Variants in CCDC39 observed in about 807,000 individuals in gnomAD.
The protein encoded by CCDC39 is coiled-coil domain 39 molecular ruler complex subunit.
CCDC39 carries 113 observed loss-of-function variants against 121.0 expected under a neutral mutation model. The observed-to-expected ratio is 0.93, with a 90% confidence interval of 0.80 to 1.09. CCDC39 has a LOEUF of 1.09. CCDC39 is among the 50% of genes least tolerant of loss of function. The pLI is 0.00. For missense variants in CCDC39, 1,063 were observed against 1,074.7 expected (o/e 0.99, Z 0.15); for synonymous variants, 349 against 352.2 (o/e 0.99, Z 0.10).
At chr3:180,661,562 A>T (rs968035917) in intron 3 of CCDC39, among the ~76,000 whole-genome samples, 2 of 152,130 alleles carry the variant, frequency 1.3e-5, no homozygotes, top group African/African-American at 4.8e-5. Flanking sequence ...GCTGTTAAAA[A>T]TCTAACACTT....
rs1267274054 is a variant in CCDC39, at chr3:180,647,216, T to C, written c.1390A>G (p.Arg464Gly). ...ATTTCTCCCTTTAACCGTGACATTC[T>C]CCGTTCCACTTGTTGAATGTGAAAA... is the stretch of plus-strand genomic sequence containing the variant. ...QDFHIQQVER[R>G]MSRLKGEINS... The change falls in exon 11 of 20, where the codon AGA (arginine) becomes GGA (glycine). Residue 464 changes from arginine (R) to glycine (G), a missense_variant. Transcript: ENST00000476379. 2.5e-6 allele frequency: 4 copies of C among 1,606,124 alleles called. No homozygotes were observed. The highest frequency in any genetic ancestry group is 3.4e-6 in the Non-Finnish European group (4 of 1,176,696).
At chr3:180,662,413 ATTAT>A (rs1305503769) in intron 2 of CCDC39, among the ~76,000 whole-genome samples, 1 of 152,154 alleles carries the variant, frequency 6.6e-6, no homozygotes, top group Non-Finnish European at 1.5e-5. Context: ...TTTTTAAATA[ATTAT>A]TTAAACACCA....
At chr3:180,658,137 G>A (rs1256506328) in intron 6 of CCDC39, among the ~76,000 whole-genome samples, 2 of 151,818 alleles carry the variant, frequency 1.3e-5, no homozygotes, top group African/African-American at 4.8e-5. Context: ...TACTTGGGAG[G>A]ATGAGGCAGG....
chr3:180,637,108 C>T (rs1399681172), intron 13 of CCDC39, among the ~76,000 whole-genome samples: 1 of 152,040 alleles, frequency 6.6e-6, no homozygotes, highest in Non-Finnish European at 1.5e-5. Flanking sequence ...AGAGCTTCTG[C>T]ACGGCAAAGT....
chr3:180,679,161 C>T lies in CCDC39; in HGVS notation c.90+130G>A. On this transcript the variant is annotated intron_variant, in intron 1 of 19. Coordinates refer to ENST00000476379, the MANE Select transcript of CCDC39 (RefSeq NM_181426.2). This position sits in a 1 kb window ranked among gnomAD's most constrained non-coding sequence, Gnocchi z 4.0. ...AGGGTAAGGGAGGAGGGCGATGGTG[C>T]GGGGGAGTGTTAGAGGAAGCACAGG... 1.3e-6 allele frequency: 1 copy of T among 750,964 alleles called. No homozygotes were observed. Among genetic ancestry groups the T allele is most frequent in the Non-Finnish European group, 2.4e-6 (1 of 408,692 alleles). The allele number at this position is 750,964 out of a possible 1,614,324, so 46.5% of individuals were successfully genotyped here. A position where few individuals can be genotyped will look rare whatever the true frequency, so the allele number is the denominator to read the frequency against.
At chr3:180,674,842 G>T (rs943399206) in intron 1 of CCDC39, among the ~76,000 whole-genome samples, 2 of 152,272 alleles carry the variant, frequency 1.3e-5, no homozygotes, top group South Asian at 4.1e-4. Context: ...CTTGATCATC[G>T]TGGATAAGCT....
At chr3:180,670,639 C>CTTTTTTTTTTTT (rs573623299) in intron 1 of CCDC39, among the ~76,000 whole-genome samples, 23 of 120,160 alleles carry the variant, frequency 1.9e-4, no homozygotes, top group African/African-American at 2.4e-4. Flanking sequence ...TTTTTTTTCT[C>CTTTTTTTTTTTT]TTTTTTTTTT....
chr3:180,627,830 C>T (rs1171359001), intron 14 of CCDC39, among the ~76,000 whole-genome samples: 1 of 152,070 alleles, frequency 6.6e-6, no homozygotes, highest in African/African-American at 2.4e-5. Flanking sequence ...GAGCTGTGTC[C>T]CTTATAAGAA....
chr3:180,644,113 A>G lies in CCDC39; in HGVS notation c.1665+7T>C, dbSNP rs1472202801. The G allele has an allele frequency of 2.0e-6, 3 of 1,535,370 alleles. No homozygotes were observed. Among genetic ancestry groups the G allele is most frequent in the African/African-American group, 2.8e-5 (2 of 72,412 alleles). On this transcript the variant is annotated splice_region_variant and intron_variant, in intron 12 of 19. Coordinates refer to ENST00000476379, the MANE Select transcript of CCDC39 (RefSeq NM_181426.2). ...CAATACTACATATGCATACAATTTT[A>G]CTGCACCTGCTTAAAACCTTTGGCT...
chr3:180,663,065 T>C (rs538024934), intron 2 of CCDC39, among the ~76,000 whole-genome samples: 4 of 152,306 alleles, frequency 2.6e-5, no homozygotes, highest in South Asian at 2.1e-4. Context: ...ATTATATTTA[T>C]GTTAACATTT....
At chr3:180,626,717 G>A (rs1346775206) in intron 14 of CCDC39, among the ~76,000 whole-genome samples, 5 of 151,880 alleles carry the variant, frequency 3.3e-5, no homozygotes, top group Non-Finnish European at 7.4e-5. Context: ...TCTCAGGTGA[G>A]GTGCTCAGGT....
chr3:180,664,960 A>G, intron 1 of CCDC39, among the ~76,000 whole-genome samples: 1 of 151,782 alleles, frequency 6.6e-6, no homozygotes, highest in South Asian at 2.1e-4. Flanking sequence ...TGCCCACCTC[A>G]GCCTCCCAAT....
In CCDC39 at chr3:180,619,290, C is replaced by T. The variant is rs973863254; in HGVS notation, c.2234G>A (p.Arg745Lys). The T allele has an allele frequency of 2.6e-6, 4 of 1,544,776 alleles. No individual in the cohort carries two copies. The highest frequency in any genetic ancestry group is 3.5e-6 in the Non-Finnish European group (4 of 1,141,314). Residue 745 changes from arginine to lysine, a missense_variant, in exon 16 of 20, where the codon AGA (arginine) becomes AAA (lysine). By Grantham distance (26) the Arg-to-Lys change is conservative. Coordinates refer to ENST00000476379, the MANE Select transcript of CCDC39 (RefSeq NM_181426.2). ...GTCTTCTTGAAGTTCTCTGATTTGT[C>T]TTTGTTTGTATCTGTATTTTTCATC... Reference protein sequence around the residue: ...AVDEKYRYKQRQIRELQEDIQ... With the variant: ...AVDEKYRYKQKQIRELQEDIQ...
chr3:180,631,103 G>A (rs1333283764), intron 14 of CCDC39, among the ~76,000 whole-genome samples: 2 of 152,134 alleles, frequency 1.3e-5, no homozygotes, highest in Non-Finnish European at 2.9e-5. Flanking sequence ...TAGGAGAAAT[G>A]ACATTCTGCA....
At chr3:180,619,106 C>T (rs1717352270) in intron 16 of CCDC39, among the ~76,000 whole-genome samples, 153 bp downstream of exon 16, 1 of 151,926 alleles carries the variant, frequency 6.6e-6, no homozygotes, top group Non-Finnish European at 1.5e-5. Flanking sequence ...TTTTTGTCTC[C>T]TTTAAATGAG....
intron 16 of CCDC39, among the ~76,000 whole-genome samples, chr3:180,618,267 T>C (rs1009480555): frequency 6.6e-6 from 1 of 152,186 alleles, no homozygotes; most frequent in Non-Finnish European, 1.5e-5. Context: ...AAATTTTTTA[T>C]GTAATTCAAC....
At chr3:180,672,409 C>T (rs1434748356) in intron 1 of CCDC39, among the ~76,000 whole-genome samples, 2 of 152,184 alleles carry the variant, frequency 1.3e-5, no homozygotes, top group South Asian at 2.1e-4. Context: ...GCCTGGCCAA[C>T]ATGGTGAAAC....
In CCDC39 at chr3:180,672,419, C is replaced by T. The variant is rs998245768; in HGVS notation, c.90+6872G>A. ...GAGCAGCCTGGCCAACATGGTGAAA[C>T]TCCATCTCTACTAAAAATACAAAAA... is the stretch of plus-strand genomic sequence containing the variant. On this transcript the variant is annotated intron_variant, in intron 1 of 19. Transcript: ENST00000476379. Among the ~76,000 whole-genome samples the T allele has an allele frequency of 9.9e-5, 15 of 152,162 alleles. 1 individual carries two copies. The highest frequency in any genetic ancestry group is 3.4e-4 in the African/African-American group (14 of 41,440).
chr3:180,674,797 G>A lies in CCDC39; in HGVS notation c.90+4494C>T, dbSNP rs542785793. Among the ~76,000 whole-genome samples, 705 of 152,260 alleles carry A rather than the reference G, an allele frequency of 4.6e-3. 4 individuals are homozygous for A. The highest frequency in any genetic ancestry group is 6.6e-3 in the Non-Finnish European group (452 of 68,022). ...GGATTACGTTTATTGATTTGCATAT[G>A]TTGAACCAGCCTTGCATCCCAGGGA... On this transcript the variant is annotated intron_variant, in intron 1 of 19. Coordinates refer to ENST00000476379, the MANE Select transcript of CCDC39 (RefSeq NM_181426.2).
Sources: gnomAD v4.1 joint callset for allele counts (sites outside exome capture counted in the v4.1 genomes callset) on GRCh38, gnomAD v4.1.1 for gene constraint, Gnocchi (gnomAD v3.1) non-coding constraint, MANE v1.5 for transcripts, NCBI Gene and HGNC (gene_info 2026-07-23, HGNC 2026-07-21) for gene names.